ANKRD30B: variants seen among roughly 807,000 people sequenced by gnomAD.
ANKRD30B encodes ankyrin repeat domain-containing protein 30B.
A neutral mutation model predicts 202.2 loss-of-function variants in ANKRD30B; 144 were observed. That is an observed-to-expected ratio of 0.71 (90% confidence interval 0.62 to 0.82). The LOEUF (loss-of-function observed/expected upper bound fraction) is 0.82. Among genes scored for constraint, ANKRD30B ranks in the 40% least tolerant of loss-of-function variants. The pLI is 0.00. For synonymous variants in ANKRD30B, 508 were observed against 561.3 expected (o/e 0.91, Z 1.34); for missense variants, 1,487 against 1,669.1 (o/e 0.89, Z 1.90).
At chr18:14,848,137 T>A (rs1971731244) in intron 39 of ANKRD30B, among the ~76,000 whole-genome samples, 1 of 152,294 alleles carries the variant, frequency 6.6e-6, no homozygotes, top group Admixed American at 6.5e-5. Flanking sequence ...GAAACATTCA[T>A]AAGGTTTGCT....
At position 14,810,149 on chromosome 18, in the gene ANKRD30B, A is replaced by T. The variant is rs1969828148; in HGVS notation, c.2457A>T (p.Leu819Phe). 1 of 1,477,570 alleles carries T rather than the reference A, an allele frequency of 6.8e-7. No individual in the cohort carries two copies. Among genetic ancestry groups the T allele is most frequent in the East Asian group, 2.5e-5 (1 of 39,866 alleles). The allele number at this position is 1,477,570 out of a possible 1,614,324, so 91.5% of individuals were successfully genotyped here. Residue 819 changes from leucine to phenylalanine, a missense_variant, in exon 28 of 44, where the codon TTA becomes TTT. Transcript: ENST00000690538. ...VRKVSLPNKA[L>F]ELKDRETLKA... ...AAGTTTCTCTTCCAAATAAAGCCTT[A>T]GAATTAAAGGACAGAGAAACATTAA... is the stretch of plus-strand genomic sequence containing the variant.
At chr18:14,845,222 T>C (rs1285900156) in intron 39 of ANKRD30B, among the ~76,000 whole-genome samples, 3 of 151,984 alleles carry the variant, frequency 2.0e-5, no homozygotes, top group African/African-American at 4.8e-5. Context: ...TTTATGGTTT[T>C]AGGTCTAACA....
At position 14,788,813 on chromosome 18, in the gene ANKRD30B, G is replaced by C. The variant is rs530453703; in HGVS notation, c.1734+1713G>C. 3.4e-4 allele frequency among the ~76,000 whole-genome samples: 51 copies of C among 152,038 alleles called. No individual in the cohort carries two copies. In the Middle Eastern group the frequency reaches 0.01, roughly 30 times the overall value. ...CTATCATTGTTGGACATTTGGGTTG[G>C]TTCCAAGTCTTTGCTATTGTGAATA... On this transcript the variant is annotated intron_variant, in intron 15 of 43. Coordinates refer to ENST00000690538, the MANE Select transcript of ANKRD30B (RefSeq NM_001367607.2).
rs369533372 is a variant in ANKRD30B at position 14,772,193 on chromosome 18, A to G, written c.1294A>G (p.Thr432Ala). Residue 432 changes from threonine to alanine, a missense_variant, in exon 9 of 44, where the codon ACA becomes GCA. Physicochemically the swap from Thr to Ala is moderately conservative, Grantham distance 58. Around this residue, in one of 6 missense-constraint regions of ANKRD30B, gnomAD observed 889 missense variants for 841.4 expected, o/e 1.06. Transcript: ENST00000690538. ...GTRTIENSQC[T>A]KVEEDFNLAT... ...ACGGACTATTGAAAATTCACAGTGT[A>G]CAAAAGTTGAGGAAGACTTTAATCT... 4 of 1,510,250 alleles carry G rather than the reference A, an allele frequency of 2.6e-6. No individual in the cohort carries two copies. Among genetic ancestry groups the G allele is most frequent in the African/African-American group, 1.4e-5 (1 of 72,388 alleles). 93.6% of individuals were successfully genotyped at this position (1,510,250 alleles called of 1,614,324 possible).
rs1403709240 is a variant in ANKRD30B, at chr18:14,791,262, A to C, written c.1735-139A>C. 9.4e-6 allele frequency: 6 copies of C among 641,242 alleles called. No homozygotes were observed. The South Asian group carries it at 1.0e-4, about 11-fold the overall frequency. 39.7% of individuals were successfully genotyped at this position (641,242 alleles called of 1,614,324 possible). A position where few individuals can be genotyped will look rare whatever the true frequency, so the allele number is the denominator to read the frequency against. ...TTCTATCAAAATGTTTTGATTTTCT[A>C]TACGTGTGTACTCTTAAGTCGAATT... On this transcript the variant is annotated intron_variant, in intron 15 of 43. Transcript: ENST00000690538.
chr18:14,940,226 G>T, the ANKRD30B span, among the ~76,000 whole-genome samples: 1 of 152,228 alleles, frequency 6.6e-6, no homozygotes, highest in East Asian at 1.9e-4. Context: ...CAGCCTCCCT[G>T]CTGTAGAGCT....
chr18:14,933,161 A>G, the ANKRD30B span, among the ~76,000 whole-genome samples: 1 of 152,038 alleles, frequency 6.6e-6, no homozygotes, highest in African/African-American at 2.4e-5. Flanking sequence ...TGGAGAAGCA[A>G]TTTTCTCCAG....
At chr18:14,822,565 T>C in intron 31 of ANKRD30B, 40 bp from the exon 32 acceptor site, 1 of 1,023,796 alleles carries the variant, frequency 9.8e-7, no homozygotes, top group South Asian at 1.4e-5. Flanking sequence ...TTATGAAGTA[T>C]ACATTATATA....
chr18:14,853,419 T>G (rs757559036), intron 42 of ANKRD30B, among the ~76,000 whole-genome samples: 1 of 152,152 alleles, frequency 6.6e-6, no homozygotes, highest in Non-Finnish European at 1.5e-5. Flanking sequence ...TAAAAATCTA[T>G]TGGAAAAATT....
chr18:14,755,866 G>A lies in ANKRD30B; in HGVS notation c.617+861G>A, dbSNP rs1322609071. Among the ~76,000 whole-genome samples the A allele has an allele frequency of 7.2e-5, 11 of 152,196 alleles. No individual in the cohort carries two copies. The East Asian group carries it at 7.7e-4, about 11-fold the overall frequency. ...GTGAATAGTGCCACAATAAACATAC[G>A]TGTGCATGTGTCTTTATAGCAGCAT... On this transcript the variant is annotated intron_variant, in intron 4 of 43. Coordinates refer to ENST00000690538, the MANE Select transcript of ANKRD30B (RefSeq NM_001367607.2).
the ANKRD30B span, among the ~76,000 whole-genome samples, chr18:14,893,601 G>C: frequency 6.7e-6 from 1 of 149,530 alleles, no homozygotes; most frequent in Non-Finnish European, 1.5e-5. Flanking sequence ...ACAAGAGCTA[G>C]ACTCCATCTC....
intron 37 of ANKRD30B, 141 bp from the exon 38 acceptor site, chr18:14,842,756 A>G (rs1971468494): frequency 1.3e-6 from 1 of 753,122 alleles, no homozygotes; most frequent in Non-Finnish European, 2.1e-6. Context: ...CTAAAGAAAC[A>G]TACCGAAAGA....
At chr18:14,872,286 G>T in the ANKRD30B span, among the ~76,000 whole-genome samples, 1 of 152,124 alleles carries the variant, frequency 6.6e-6, no homozygotes, top group African/African-American at 2.4e-5. Context: ...AGCCCCAAGG[G>T]TTTCTCCTAC....
intron 16 of ANKRD30B, among the ~76,000 whole-genome samples, chr18:14,794,170 C>A (rs1396363401): frequency 1.3e-5 from 2 of 152,010 alleles, no homozygotes; most frequent in East Asian, 1.9e-4. Flanking sequence ...TCCAGTGTAC[C>A]CCTTTATAAA....
chr18:14,759,547 T>C (rs962373451), intron 5 of ANKRD30B, among the ~76,000 whole-genome samples: 1 of 152,214 alleles, frequency 6.6e-6, no homozygotes, highest in African/African-American at 2.4e-5. Context: ...TAGGGTTTTG[T>C]GTTCCACAGC....
At chr18:14,855,239 A>G (rs1396856266), downstream of ANKRD30B, among the ~76,000 whole-genome samples, 1 of 152,240 alleles carries the variant, frequency 6.6e-6, no homozygotes, top group Non-Finnish European at 1.5e-5. Context: ...TTATAGATTA[A>G]CAGCATCCCA....
At chr18:14,917,753 T>C in the ANKRD30B span, among the ~76,000 whole-genome samples, 1 of 152,216 alleles carries the variant, frequency 6.6e-6, no homozygotes. Context: ...CAGGGCCTGC[T>C]CTTCACAGTT....
chr18:14,885,576 C>T, the ANKRD30B span, among the ~76,000 whole-genome samples: 1 of 151,828 alleles, frequency 6.6e-6, no homozygotes, highest in Non-Finnish European at 1.5e-5. Flanking sequence ...TGAGGGGCAC[C>T]GTTTTAGAGT....
chr18:14,808,737 C>G lies in ANKRD30B; in HGVS notation c.2379C>G (p.Leu793=). The change falls in exon 26 of 44, where the codon CTC becomes CTG. Residue 793 remains leucine, a synonymous_variant. Coordinates refer to ENST00000690538, the MANE Select transcript of ANKRD30B (RefSeq NM_001367607.2). ...TAGAATTAAAGGACAGAGAAACACTCAAAGCAGGTAAATTTTGTAATTTAA... is the reference window on the plus strand; with the variant it reads ...TAGAATTAAAGGACAGAGAAACACTGAAAGCAGGTAAATTTTGTAATTTAA... The part of the protein sequence containing the change: ...KALELKDRET[L]KAESPDKDGL... 2 of 1,470,726 alleles carry G rather than the reference C, an allele frequency of 1.4e-6. No homozygotes were observed. Among genetic ancestry groups the G allele is most frequent in the Non-Finnish European group, 1.8e-6 (2 of 1,089,862 alleles). 91.1% of individuals were successfully genotyped at this position (1,470,726 alleles called of 1,614,324 possible).
Sources: gnomAD v4.1 joint callset for allele counts (sites outside exome capture counted in the v4.1 genomes callset) on GRCh38, gnomAD v4.1.1 for gene constraint, gnomAD v4.1.1 regional missense constraint, MANE v1.5 for transcripts, NCBI Gene and HGNC (gene_info 2026-07-23, HGNC 2026-07-21) for gene names.